Variants in SLC17A2 observed in about 807,000 individuals in gnomAD.
SLC17A2 encodes the protein sodium-dependent phosphate transport protein 3.
In SLC17A2, 38 loss-of-function variants were observed where a neutral mutation model predicts 52.1. That is an observed-to-expected ratio of 0.73 (90% CI 0.56 to 0.96). The LOEUF (loss-of-function observed/expected upper bound fraction) is 0.96, where lower values mean the gene tolerates loss of function less well. Among genes scored for constraint, SLC17A2 ranks in the 40% least tolerant of loss-of-function variants. The pLI, the probability that SLC17A2 is intolerant of heterozygous loss-of-function variation, is 0.00. For missense variants in SLC17A2, 508 were observed against 583.9 expected (o/e 0.87, Z 1.34); for synonymous variants, 226 against 211.9 (o/e 1.07, Z -0.58).
At chr6:25,919,605 C>T (rs1461802584) in intron 5 of SLC17A2, among the ~76,000 whole-genome samples, 2 of 138,476 alleles carry the variant, frequency 1.4e-5, no homozygotes, top group Admixed American at 1.6e-4. Context: ...GAGGCTGAGG[C>T]AGGAAAATGG....
At chr6:25,923,972 C>T in intron 2 of SLC17A2, 66 bp from the exon 3 acceptor site, 2 of 1,280,624 alleles carry the variant, frequency 1.6e-6, no homozygotes, top group South Asian at 2.4e-5. Flanking sequence ...TCCTTTCTCT[C>T]ACAGCTCGAT....
At chr6:25,918,271 T>C (rs1238691906) in intron 6 of SLC17A2, among the ~76,000 whole-genome samples, 1 of 152,174 alleles carries the variant, frequency 6.6e-6, no homozygotes, top group Non-Finnish European at 1.5e-5. Flanking sequence ...AATAGTCAAC[T>C]CCTCTACCTT....
At chr6:25,922,605 T>A (rs544078427) in intron 3 of SLC17A2, among the ~76,000 whole-genome samples, 29 of 152,292 alleles carry the variant, frequency 1.9e-4, no homozygotes, top group African/African-American at 4.8e-5. Context: ...GAGGAAAGAC[T>A]GGAGACAATA....
At chr6:25,914,307 A>G (rs911174608) in intron 11 of SLC17A2, among the ~76,000 whole-genome samples, 8 of 152,148 alleles carry the variant, frequency 5.3e-5, no homozygotes, top group African/African-American at 1.9e-4. Flanking sequence ...GGTCATAACT[A>G]AGAACTGTTT....
At chr6:25,928,810 G>A (rs1766852280) in intron 1 of SLC17A2, among the ~76,000 whole-genome samples, 1 of 152,042 alleles carries the variant, frequency 6.6e-6, no homozygotes, top group South Asian at 2.1e-4. Flanking sequence ...AACAGTGTCA[G>A]AACCCTTCCC....
chr6:25,914,890 C>G (rs1766241324), intron 10 of SLC17A2, among the ~76,000 whole-genome samples: 1 of 151,886 alleles, frequency 6.6e-6, no homozygotes, highest in South Asian at 2.1e-4. Context: ...TCTCTGGGAA[C>G]CACGTTTCTT....
chr6:25,925,741 A>G, intron 2 of SLC17A2, 28 bp downstream of exon 2: 4 of 1,607,006 alleles, frequency 2.5e-6, no homozygotes, highest in Non-Finnish European at 3.4e-6. Context: ...TTATTAACAT[A>G]GCCTGCAAAC....
chr6:25,921,580 T>C (rs1202902812), intron 3 of SLC17A2, among the ~76,000 whole-genome samples, 168 bp from the exon 4 acceptor site: 1 of 130,434 alleles, frequency 7.7e-6, no homozygotes, highest in Non-Finnish European at 1.7e-5. Context: ...CTAATTTGCT[T>C]GTCTTAGTAG....
chr6:25,924,084 GACAGCGAAT>G (rs1201841181), intron 2 of SLC17A2, among the ~76,000 whole-genome samples, 178 bp from the exon 3 acceptor site: 18 of 152,152 alleles, frequency 1.2e-4, no homozygotes, highest in African/African-American at 4.3e-4. Context: ...TTGGCTTCAA[GACAGCGAAT>G]ATGGGATCTT....
chr6:25,915,149 GTATATATA>G lies in SLC17A2; in HGVS notation c.1211+342_1211+349del, dbSNP rs59580107. 1.0e-3 allele frequency among the ~76,000 whole-genome samples: 58 copies of G among 57,892 alleles called. 4 individuals are homozygous for G. Among genetic ancestry groups the G allele is most frequent in the African/African-American group, 1.9e-3 (34 of 17,622 alleles). The allele number at this position is 57,892 out of a possible 152,430, so 38.0% of individuals were successfully genotyped here. ...GCACAGGAGCTGGCTTATTGTGACT[GTATATATA>G]TATATATATATATATATATATGGTA... is the stretch of plus-strand genomic sequence containing the variant. On this transcript the variant is annotated intron_variant, in intron 10 of 11. Transcript: ENST00000377850.
At chr6:25,927,720 A>ATTG (rs139716399) in intron 1 of SLC17A2, among the ~76,000 whole-genome samples, 3 of 152,032 alleles carry the variant, frequency 2.0e-5, no homozygotes, top group African/African-American at 4.8e-5. Context: ...TGGAGATTTT[A>ATTG]TTGTTGTTGT....
chr6:25,915,177 A>ATATATATATATATATATATATG lies in SLC17A2; in HGVS notation c.1211+321_1211+322insCATATATATATATATATATATA, dbSNP rs1554137783. Among the ~76,000 whole-genome samples, 431 of 107,994 alleles carry ATATATATATATATATATATATG rather than the reference A, an allele frequency of 4.0e-3. 34 individuals carry two copies. Among genetic ancestry groups the ATATATATATATATATATATATG allele is most frequent in the Non-Finnish European group, 5.7e-3 (283 of 49,228 alleles). The allele number at this position is 107,994 out of a possible 152,430, so 70.8% of individuals were successfully genotyped here. ...TATATATATATATATATATATATAT[A>ATATATATATATATATATATATG]TGGTAGCTAATATGAACAACACCAT... On this transcript the variant is annotated intron_variant, in intron 10 of 11. Transcript: ENST00000377850.
chr6:25,920,864 A>C, intron 5 of SLC17A2, 142 bp downstream of exon 5: 1 of 698,844 alleles, frequency 1.4e-6, no homozygotes, highest in South Asian at 1.9e-5. Context: ...CATCTTTCCT[A>C]TTTGTGATGC....
intron 8 of SLC17A2, 26 bp downstream of exon 8, chr6:25,916,659 C>T (rs200429700): frequency 4.2e-5 from 67 of 1,578,480 alleles, no homozygotes; most frequent in Admixed American, 6.7e-5. Flanking sequence ...TTATCATTTT[C>T]GTAGAAGTAT....
chr6:25,919,476 G>A (rs1766455724), intron 5 of SLC17A2, among the ~76,000 whole-genome samples: 2 of 151,860 alleles, frequency 1.3e-5, no homozygotes, highest in African/African-American at 4.8e-5. Flanking sequence ...GGGAGGCCGA[G>A]GCGGGCGGAT....
chr6:25,916,489 C>T (rs565149609), intron 8 of SLC17A2, among the ~76,000 whole-genome samples, 196 bp downstream of exon 8: 1 of 152,204 alleles, frequency 6.6e-6, no homozygotes, highest in Admixed American at 6.5e-5. Context: ...TATTGTGCAA[C>T]CTGGGGCAAG....
Position 25,923,830 on chromosome 6 carries a change from A to G in SLC17A2, c.105T>C (p.Arg35=), listed in dbSNP as rs150050120. Residue 35 remains arginine (R), a synonymous_variant, in exon 3 of 12, where the codon CGT becomes CGC. Transcript: ENST00000377850. ...CGATGATCGCAATGCTCAGACTCAC[A>G]CGCTGCGTTATCATGGTGAAGTTTG... is the stretch of plus-strand genomic sequence containing the variant. ...HFSNFTMITQ[R]VSLSIAIIAM... is the part of the protein sequence containing the mutation. 20 of 1,614,220 alleles carry G rather than the reference A, an allele frequency of 1.2e-5. No individual in the cohort carries two copies. The African/African-American group carries it at 2.7e-4, about 22-fold the overall frequency.
intron 10 of SLC17A2, among the ~76,000 whole-genome samples, chr6:25,915,248 C>T (rs1231768842): frequency 1.4e-5 from 2 of 146,420 alleles, no homozygotes; most frequent in Non-Finnish European, 3.0e-5. Context: ...TCCCAGCATA[C>T]ACAGTTCAAT....
intron 1 of SLC17A2, among the ~76,000 whole-genome samples, chr6:25,929,417 A>G (rs1348344502): frequency 1.3e-5 from 2 of 152,244 alleles, no homozygotes; most frequent in East Asian, 1.9e-4. Context: ...ATAAACAGTC[A>G]CAATATTGGC....
Sources: gnomAD v4.1 joint callset for allele counts (sites outside exome capture counted in the v4.1 genomes callset) on GRCh38, gnomAD v4.1.1 for gene constraint, MANE v1.5 for transcripts, NCBI Gene and HGNC (gene_info 2026-07-23, HGNC 2026-07-21) for gene names.